Variants in ANKRD55 observed in about 807,000 individuals in gnomAD.
The protein encoded by ANKRD55 is ankyrin repeat domain 55.
In ANKRD55, 41 loss-of-function variants were observed where a neutral mutation model predicts 60.6. The ratio of observed to expected loss-of-function variants is 0.68; its 90% CI spans 0.53 to 0.88. The LOEUF (loss-of-function observed/expected upper bound fraction) is 0.88. ANKRD55 is among the 40% of genes least tolerant of loss of function. The pLI, the probability that ANKRD55 is intolerant of heterozygous loss-of-function variation, is 0.00. For synonymous variants in ANKRD55, 264 were observed against 290.3 expected (o/e 0.91, Z 0.92); for missense variants, 732 against 767.6 (o/e 0.95, Z 0.55).
At chr5:56,111,883 T>G in intron 9 of ANKRD55, 101 bp from the exon 10 acceptor site, 1 of 1,167,542 alleles carries the variant, frequency 8.6e-7, no homozygotes, top group South Asian at 2.7e-5. Flanking sequence ...TCATCAGGTT[T>G]TCTGAGATCC....
At chr5:56,102,055 T>A (rs978471125) in intron 11 of ANKRD55, among the ~76,000 whole-genome samples, 2 of 152,184 alleles carry the variant, frequency 1.3e-5, no homozygotes, top group Admixed American at 1.3e-4. Context: ...TCTGTTTTCC[T>A]GTAATTTATA....
chr5:56,173,450 G>C (rs531994804), intron 4 of ANKRD55, among the ~76,000 whole-genome samples: 11 of 149,494 alleles, frequency 7.4e-5, no homozygotes, highest in African/African-American at 2.7e-4. Context: ...CACCTGCCTC[G>C]GCCTCCCAAA....
chr5:56,148,654 A>G (rs1362927421), intron 6 of ANKRD55, among the ~76,000 whole-genome samples: 1 of 147,698 alleles, frequency 6.8e-6, no homozygotes, highest in Non-Finnish European at 1.5e-5. Flanking sequence ...TTCTCAGAAC[A>G]TTTTTTTTTT....
chr5:56,181,407 G>T (rs936116228), intron 3 of ANKRD55, among the ~76,000 whole-genome samples: 1 of 151,928 alleles, frequency 6.6e-6, no homozygotes, highest in Non-Finnish European at 1.5e-5. Flanking sequence ...ATTTTTCTGA[G>T]ATTTTTATTA....
intron 4 of ANKRD55, 143 bp downstream of exon 4, chr5:56,176,009 A>G: frequency 7.4e-6 from 8 of 1,078,376 alleles, no homozygotes; most frequent in Non-Finnish European, 9.4e-6. Flanking sequence ...ATAAACGTTG[A>G]AGATGATTGG....
chr5:56,131,145 A>G (rs1446029964), intron 7 of ANKRD55, among the ~76,000 whole-genome samples: 2 of 145,858 alleles, frequency 1.4e-5, no homozygotes, highest in Non-Finnish European at 3.1e-5. Context: ...AGCACGATAA[A>G]TGCCAAAAAC....
At chr5:56,192,226 G>A (rs189223933) in intron 2 of ANKRD55, among the ~76,000 whole-genome samples, 57 of 152,322 alleles carry the variant, frequency 3.7e-4, no homozygotes, top group African/African-American at 1.3e-3. Flanking sequence ...GCTTTAAACA[G>A]ATAGACTTCT....
In ANKRD55 at chr5:56,104,578, G is replaced by T. The variant is rs1233356380; in HGVS notation, c.1631-1992C>A. Among the ~76,000 whole-genome samples, 13 of 152,168 alleles carry T rather than the reference G, an allele frequency of 8.5e-5. No individual in the cohort carries two copies. The East Asian group carries it at 1.9e-3, about 23-fold the overall frequency. ...GGGAGTGTTCAGCTTTGGGGACAGG[G>T]TCAAGGACCACTGTCCTAGAAAAAA... On this transcript the variant is annotated intron_variant, in intron 10 of 11. Transcript: ENST00000341048.
intron 2 of ANKRD55, among the ~76,000 whole-genome samples, chr5:56,220,872 T>C (rs1236778773): frequency 6.6e-6 from 1 of 152,118 alleles, no homozygotes; most frequent in Admixed American, 6.6e-5. Context: ...CCTAGACTTG[T>C]TCAGGAGTGG....
chr5:56,197,592 TTAGA>T (rs1386755242), intron 2 of ANKRD55, among the ~76,000 whole-genome samples: 1 of 152,156 alleles, frequency 6.6e-6, no homozygotes, highest in African/African-American at 2.4e-5. Context: ...TCTTCGTTAT[TTAGA>T]TAAATTATTT....
intron 4 of ANKRD55, among the ~76,000 whole-genome samples, chr5:56,172,955 G>A (rs1758642234): frequency 6.6e-6 from 1 of 152,200 alleles, no homozygotes; most frequent in South Asian, 2.1e-4. Flanking sequence ...GAAACTGCCT[G>A]TAGTAACTAG....
rs917708588 is a variant in ANKRD55 at position 56,193,372 on chromosome 5, A to G, written c.59-9738T>C. On this transcript the variant is annotated intron_variant, in intron 2 of 11. Transcript: ENST00000341048. ...ATCCCTTTGTTTCAGAACACCATTTAATAAAGGTTATCTACCTAGAACCTT... is the reference window on the plus strand; with the variant it reads ...ATCCCTTTGTTTCAGAACACCATTTGATAAAGGTTATCTACCTAGAACCTT... 22 of 718,854 alleles carry G rather than the reference A, an allele frequency of 3.1e-5. No individual in the cohort carries two copies. The African/African-American group carries it at 3.9e-4, about 13-fold the overall frequency. 44.5% of individuals were successfully genotyped at this position (718,854 alleles called of 1,614,324 possible).
chr5:56,120,227 G>T lies in ANKRD55; in HGVS notation c.798-3445C>A, dbSNP rs541722291. Among the ~76,000 whole-genome samples, 61 of 152,196 alleles carry T rather than the reference G, an allele frequency of 4.0e-4. 2 individuals carry two copies. The South Asian group carries it at 0.012, about 31-fold the overall frequency. ...AATTTTTGTATTTTTAGTAGAGACA[G>T]GGTTTCATCATGTTGGCCAGGATGG... is the stretch of plus-strand genomic sequence containing the variant. On this transcript the variant is annotated intron_variant, in intron 8 of 11. Transcript: ENST00000341048.
In ANKRD55 at chr5:56,166,158, TTTC is replaced by T. The variant is rs1758470565; in HGVS notation, c.422+4533_422+4535del. On this transcript the variant is annotated intron_variant, in intron 5 of 11. Transcript: ENST00000341048. Reference sequence around the variant, plus strand: ...TCTTTCTTTCTTTCTTTCTTTCTTCTTTCCTTCCTTCCTTCCTTCCTTCCTTCC... The same window carrying T: ...TCTTTCTTTCTTTCTTTCTTTCTTCTCTTCCTTCCTTCCTTCCTTCCTTCC... Among the ~76,000 whole-genome samples the T allele has an allele frequency of 3.2e-4, 23 of 72,460 alleles. 1 individual carries two copies. The highest frequency in any genetic ancestry group is 7.4e-4 in the Admixed American group (5 of 6,794). The allele number at this position is 72,460 out of a possible 152,430, so 47.5% of individuals were successfully genotyped here.
intron 11 of ANKRD55, 130 bp downstream of exon 11, chr5:56,102,364 C>T (rs963529251): frequency 9.4e-5 from 52 of 555,594 alleles, no homozygotes; most frequent in South Asian, 1.4e-4. Context: ...GCACTCTAGC[C>T]GGGGCGACAG....
rs114715420 is a variant in ANKRD55 at position 56,176,125 on chromosome 5, C to T, written c.312+27G>A. The T allele has an allele frequency of 1.2e-3, 1,986 of 1,613,878 alleles. 23 individuals carry two copies. The African/African-American group carries it at 0.015, about 12-fold the overall frequency. ...CACCCTTCGCCTACCCTGCTCCTTCCACCCTGTGACAGGCACAAGTCAGTA... is the reference window on the plus strand; with the variant it reads ...CACCCTTCGCCTACCCTGCTCCTTCTACCCTGTGACAGGCACAAGTCAGTA... On this transcript the variant is annotated intron_variant, in intron 4 of 11. Transcript: ENST00000341048.
intron 4 of ANKRD55, among the ~76,000 whole-genome samples, chr5:56,173,594 A>C (rs1365461847): frequency 1.8e-4 from 24 of 136,468 alleles, no homozygotes; most frequent in African/African-American, 5.9e-4. Context: ...ATATATATAT[A>C]TATATATATA....
chr5:56,225,762 G>A (rs557498334), intron 2 of ANKRD55, among the ~76,000 whole-genome samples: 35 of 152,188 alleles, frequency 2.3e-4, no homozygotes, highest in African/African-American at 7.2e-4. Context: ...AAATACATAG[G>A]AAACCAACTT....
chr5:56,129,081 T>C lies in ANKRD55; in HGVS notation c.613-1975A>G, dbSNP rs369846385. 1.0e-3 allele frequency among the ~76,000 whole-genome samples: 159 copies of C among 152,254 alleles called. 2 individuals are homozygous for C. The South Asian group carries it at 0.029, about 28-fold the overall frequency. ...AATTTCAGGGAGCCTTAGAAAACAC[T>C]AGTTTGTAAGTCAAGGCCCTGGATC... is the stretch of plus-strand genomic sequence containing the variant. On this transcript the variant is annotated intron_variant, in intron 7 of 11. Coordinates refer to ENST00000341048, the MANE Select transcript of ANKRD55 (RefSeq NM_024669.3).
Sources: gnomAD v4.1 joint callset for allele counts (sites outside exome capture counted in the v4.1 genomes callset) on GRCh38, gnomAD v4.1.1 for gene constraint, MANE v1.5 for transcripts, NCBI Gene and HGNC (gene_info 2026-07-23, HGNC 2026-07-21) for gene names.